The following EYS variants were observed in gnomAD, a reference collection of about 807,000 sequenced individuals.
EYS encodes protein eyes shut homolog.
Under a neutral mutation model 282.1 loss-of-function variants are expected in EYS, and 250 were observed. The observed-to-expected ratio is 0.89, with a 90% CI of 0.80 to 0.98. The LOEUF (loss-of-function observed/expected upper bound fraction) is 0.98, where lower values mean the gene tolerates loss of function less well. EYS is among the 50% of genes least tolerant of loss of function. The pLI is 0.00. For synonymous variants in EYS, 1,355 were observed against 1,282.9 expected, an observed-to-expected ratio of 1.06 and a Z score of -1.20; for missense variants, 4,016 against 3,709.0, an observed-to-expected ratio of 1.08 and a Z score of -2.15.
At chr6:64,812,893 A>G (rs1338419038) in intron 22 of EYS, among the ~76,000 whole-genome samples, 1 of 152,078 alleles carries the variant, frequency 6.6e-6, no homozygotes, top group African/African-American at 2.4e-5. Context: ...GTTTAAAACT[A>G]TACCTTTAAA....
At chr6:65,355,334 A>G (rs1262590453) in intron 8 of EYS, among the ~76,000 whole-genome samples, 1 of 152,076 alleles carries the variant, frequency 6.6e-6, no homozygotes, top group Admixed American at 6.6e-5. Context: ...GTAACTAAAA[A>G]CCACCTGTAC....
At chr6:64,538,729 T>C (rs1764604918) in intron 26 of EYS, among the ~76,000 whole-genome samples, 1 of 152,150 alleles carries the variant, frequency 6.6e-6, no homozygotes, top group African/African-American at 2.4e-5. Context: ...CCTTTAACTA[T>C]CATAAAAAAA....
At chr6:65,631,919 G>T (rs6916915) in intron 2 of EYS, among the ~76,000 whole-genome samples, 109,433 of 152,014 alleles carry the variant, frequency 0.72, 39,768 homozygotes, top group Middle Eastern at 0.77. Context: ...CACTGAATAT[G>T]TACAATGTGG....
intron 5 of EYS, among the ~76,000 whole-genome samples, chr6:65,407,534 G>A (rs1276874751): frequency 3.9e-5 from 6 of 152,102 alleles, no homozygotes; most frequent in African/African-American, 9.7e-5. Flanking sequence ...GATTACAGGC[G>A]TGAGCCACTA....
chr6:64,755,507 C>T (rs904531470), intron 22 of EYS, among the ~76,000 whole-genome samples: 3 of 133,628 alleles, frequency 2.2e-5, no homozygotes, highest in South Asian at 4.8e-4. Context: ...TACACACACA[C>T]ACACACACAC....
chr6:65,219,537 T>C (rs907803539), intron 12 of EYS, among the ~76,000 whole-genome samples: 1 of 152,070 alleles, frequency 6.6e-6, no homozygotes, highest in Non-Finnish European at 1.5e-5. Context: ...CTTTCAAGTA[T>C]TAAGAAATAT....
chr6:64,885,854 A>G (rs1438579982), intron 19 of EYS, among the ~76,000 whole-genome samples: 2 of 151,748 alleles, frequency 1.3e-5, no homozygotes, highest in African/African-American at 2.4e-5. Flanking sequence ...TTGCTTGCCA[A>G]TATAATTTCC....
At chr6:63,727,737 A>AAAAATATATATAT (rs1554164607) in intron 41 of EYS, among the ~76,000 whole-genome samples, 9 of 36,726 alleles carry the variant, frequency 2.5e-4, no homozygotes, top group Non-Finnish European at 3.4e-4. Flanking sequence ...AAAAAAAAAA[A>AAAAATATATATAT]ATATATATAT....
rs140667318 is a variant in EYS at position 65,664,511 on chromosome 6, T to C, written c.-447-24619A>G. Among the ~76,000 whole-genome samples, 5 of 152,162 alleles carry C rather than the reference T, an allele frequency of 3.3e-5. No individual in the cohort carries two copies. The East Asian group carries it at 9.7e-4, about 30-fold the overall frequency. On this transcript the variant is annotated intron_variant, in intron 1 of 42. Transcript: ENST00000503581. ...TTGAAGAGAGGAGTTACAAAAGAAG[T>C]ATTGTCTAGAGGAGTCAGAGGGAAA...
At chr6:64,559,673 A>G (rs1765337497) in intron 26 of EYS, among the ~76,000 whole-genome samples, 1 of 152,148 alleles carries the variant, frequency 6.6e-6, no homozygotes, top group South Asian at 2.1e-4. Flanking sequence ...TTTGTTAAAA[A>G]TTTAGACACA....
At chr6:65,091,197 GC>G (rs1245499592) in intron 12 of EYS, among the ~76,000 whole-genome samples, 2 of 150,392 alleles carry the variant, frequency 1.3e-5, no homozygotes, top group African/African-American at 4.9e-5. Context: ...ACTTTGGGAG[GC>G]CGAGGTGGGT....
At chr6:64,682,842 G>A (rs1769948762) in intron 22 of EYS, among the ~76,000 whole-genome samples, 1 of 152,096 alleles carries the variant, frequency 6.6e-6, no homozygotes, top group Non-Finnish European at 1.5e-5. Context: ...AAACTTGCCT[G>A]GGTCTCTGTT....
At chr6:63,990,898 C>T (rs1306781170) in intron 34 of EYS, among the ~76,000 whole-genome samples, 1 of 151,684 alleles carries the variant, frequency 6.6e-6, no homozygotes, top group African/African-American at 2.4e-5. Flanking sequence ...TGGCCTCTCC[C>T]TCAGGAGGGA....
chr6:64,207,316 C>T (rs1422185693), intron 31 of EYS, among the ~76,000 whole-genome samples: 3 of 151,926 alleles, frequency 2.0e-5, no homozygotes, highest in Non-Finnish European at 2.9e-5. Context: ...AACACAAAGG[C>T]CCTCAACAGA....
In EYS at chr6:64,066,394, C is replaced by A; in HGVS notation, c.6669G>T (p.Leu2223Phe). 1 of 1,551,336 alleles carries A rather than the reference C, an allele frequency of 6.4e-7. No individual in the cohort carries two copies. The change falls in exon 33 of 43, where the codon TTG becomes TTT. Residue 2223 changes from leucine to phenylalanine, a missense_variant. Physicochemically the swap from Leu to Phe is conservative, Grantham distance 22. Transcript: ENST00000503581. ...KYGCGNSQNI[L>F]TVSANYSINT... is the part of the protein sequence containing the mutation. ...TAATGCTGTAATTAGCAGAAACAGT[C>A]AAAATATTTTGAGAATTTCCACACC...
chr6:64,045,232 T>A (rs1464205655), intron 33 of EYS, among the ~76,000 whole-genome samples: 1 of 151,864 alleles, frequency 6.6e-6, no homozygotes, highest in African/African-American at 2.4e-5. Flanking sequence ...ACTTTTTTTT[T>A]AATAATGAAA....
intron 36 of EYS, among the ~76,000 whole-genome samples, chr6:63,839,955 T>C (rs1771908396): frequency 6.6e-6 from 1 of 152,140 alleles, no homozygotes; most frequent in Non-Finnish European, 1.5e-5. Flanking sequence ...ATTTCCTTGC[T>C]GATAAATGAT....
chr6:65,567,680 C>T (rs948897372), intron 2 of EYS, among the ~76,000 whole-genome samples: 86 of 152,088 alleles, frequency 5.7e-4, no homozygotes, highest in African/African-American at 2.0e-3. Context: ...ATATGTTAAC[C>T]TCTAGTTTTC....
intron 22 of EYS, among the ~76,000 whole-genome samples, chr6:64,760,181 G>T (rs1037971899): frequency 1.3e-5 from 2 of 152,064 alleles, no homozygotes; most frequent in African/African-American, 2.4e-5. Flanking sequence ...ATAGTTTTTT[G>T]ATCTTTCCCC....
Sources: gnomAD v4.1 joint callset for allele counts (sites outside exome capture counted in the v4.1 genomes callset) on GRCh38, gnomAD v4.1.1 for gene constraint, MANE v1.5 for transcripts, NCBI Gene and HGNC (gene_info 2026-07-23, HGNC 2026-07-21) for gene names.